Variants in APPBP2 observed in about 807,000 individuals in gnomAD.
APPBP2 encodes the protein amyloid beta precursor protein binding protein 2.
APPBP2 carries 15 observed loss-of-function variants against 76.0 expected under a neutral mutation model. The ratio of observed to expected loss-of-function variants is 0.20; its 90% CI spans 0.13 to 0.30. APPBP2 has a LOEUF of 0.30. Ranked by LOEUF, APPBP2 falls within the 10% of genes least tolerant of loss-of-function variation. APPBP2 has a pLI of 1.00. For missense variants in APPBP2, 401 were observed against 687.2 expected, an observed-to-expected ratio of 0.58 and a Z score of 4.66; for synonymous variants, 222 against 242.2, an observed-to-expected ratio of 0.92 and a Z score of 0.77.
At chr17:60,466,649 C>T (rs914660964) in intron 4 of APPBP2, among the ~76,000 whole-genome samples, 190 bp from the exon 5 acceptor site, 1 of 152,090 alleles carries the variant, frequency 6.6e-6, no homozygotes, top group Non-Finnish European at 1.5e-5. Context: ...TTCCTGAAAG[C>T]GTCCCATAAT....
rs182064437 is a variant in APPBP2, at chr17:60,510,877, C to T, written c.139-10390G>A. Among the ~76,000 whole-genome samples, 48 of 152,306 alleles carry T rather than the reference C, an allele frequency of 3.2e-4. 1 individual carries two copies. In the East Asian group the frequency reaches 9.2e-3, roughly 29 times the overall value. On this transcript the variant is annotated intron_variant, in intron 1 of 12. Coordinates refer to ENST00000083182, the MANE Select transcript of APPBP2 (RefSeq NM_006380.5). ...ATTCAAATAAAAGGGCAACCCTTTA[C>T]TAAAACTTAAATATGCTGTCCATTT...
At chr17:60,504,223 C>G (rs2090847852) in intron 1 of APPBP2, among the ~76,000 whole-genome samples, 1 of 152,032 alleles carries the variant, frequency 6.6e-6, no homozygotes, top group Admixed American at 6.6e-5. Flanking sequence ...CTACCTTAAA[C>G]AAAAGGGAAA....
chr17:60,456,973 T>TA (rs1411753638), intron 9 of APPBP2, among the ~76,000 whole-genome samples: 53 of 151,786 alleles, frequency 3.5e-4, no homozygotes, highest in Non-Finnish European at 7.4e-5. Flanking sequence ...CCATCTCTAC[T>TA]AAAAAAATAC....
At chr17:60,471,507 AT>A (rs563470883) in intron 4 of APPBP2, among the ~76,000 whole-genome samples, 16,262 of 146,468 alleles carry the variant, frequency 0.11, 2,880 homozygotes, top group African/African-American at 0.37. Flanking sequence ...AGCTTTGTGA[AT>A]TTTTTTTTTT....
intron 1 of APPBP2, among the ~76,000 whole-genome samples, chr17:60,519,778 ATTTTT>A (rs748167583): frequency 7.6e-5 from 9 of 117,846 alleles, no homozygotes; most frequent in Non-Finnish European, 1.2e-4. Context: ...GCCAAATTTA[ATTTTT>A]TTTTTTTTTT....
At chr17:60,465,093 A>T (rs929878111) in intron 5 of APPBP2, 1 of 152,248 alleles carries the variant, frequency 6.6e-6, no homozygotes, top group African/African-American at 2.4e-5. Context: ...CAATTAAAAT[A>T]TGAGAAGTGA....
At chr17:60,448,471 C>A (rs1311769695) in intron 12 of APPBP2, among the ~76,000 whole-genome samples, 4 of 152,146 alleles carry the variant, frequency 2.6e-5, no homozygotes, top group Non-Finnish European at 5.9e-5. Context: ...TCAAAAAAAC[C>A]AACCAACAAA....
intron 5 of APPBP2, among the ~76,000 whole-genome samples, chr17:60,465,971 G>C (rs545595844): frequency 6.6e-6 from 1 of 152,104 alleles, no homozygotes; most frequent in East Asian, 1.9e-4. Flanking sequence ...ATGTAGTTGT[G>C]ACCACCACAG....
chr17:60,449,293 G>GAA (rs111765862), intron 12 of APPBP2, among the ~76,000 whole-genome samples: 1 of 151,960 alleles, frequency 6.6e-6, no homozygotes, highest in African/African-American at 2.4e-5. Context: ...ATAGCAGAGG[G>GAA]AAAAAAAGAG....
chr17:60,493,350 G>A (rs758218233), intron 3 of APPBP2, among the ~76,000 whole-genome samples: 1 of 152,074 alleles, frequency 6.6e-6, no homozygotes, highest in Non-Finnish European at 1.5e-5. Flanking sequence ...AAAAAAGGTA[G>A]CAAAAACTTT....
In APPBP2 at chr17:60,453,484, C is replaced by G. The variant is rs566413001; in HGVS notation, c.1338+818G>C. Among the ~76,000 whole-genome samples the G allele has an allele frequency of 2.7e-3, 404 of 151,902 alleles. 1 individual carries two copies. The highest frequency in any genetic ancestry group is 4.6e-3 in the Non-Finnish European group (310 of 67,998). On this transcript the variant is annotated intron_variant, in intron 11 of 12. Transcript: ENST00000083182. ...ACAGACATGAGCCACTGAGCCCGGC[C>G]TCATATATTAATCTTTTTAGTTTGA...
At position 60,446,790 on chromosome 17, in the gene APPBP2, T is replaced by C. The variant is rs957570333; in HGVS notation, c.*791A>G. ...AATGAAATCATTCTACTGATAAAAG[T>C]ATATGTAGGATCTAAAATAATAATC... is the stretch of plus-strand genomic sequence containing the variant. On this transcript the variant is annotated 3_prime_UTR_variant, in exon 13 of 13. Transcript: ENST00000083182. 6.6e-6 allele frequency: 1 copy of C among 152,194 alleles called. No homozygotes were observed. The highest frequency in any genetic ancestry group is 2.4e-5 in the African/African-American group (1 of 41,458). 9.4% of individuals were successfully genotyped at this position (152,194 alleles called of 1,614,324 possible).
At chr17:60,449,211 A>C (rs973425368) in intron 12 of APPBP2, among the ~76,000 whole-genome samples, 1 of 152,238 alleles carries the variant, frequency 6.6e-6, no homozygotes, top group Non-Finnish European at 1.5e-5. Flanking sequence ...AGGAATGAGC[A>C]AGTCAGTCAA....
intron 1 of APPBP2, among the ~76,000 whole-genome samples, chr17:60,524,586 C>T (rs912582752): frequency 7.7e-6 from 1 of 129,576 alleles, no homozygotes; most frequent in South Asian, 2.4e-4. Flanking sequence ...TTTAGTAGAA[C>T]GCAGCCCATC....
At chr17:60,458,962 G>A (rs369572515) in intron 9 of APPBP2, among the ~76,000 whole-genome samples, 57 of 151,856 alleles carry the variant, frequency 3.8e-4, no homozygotes, top group African/African-American at 8.7e-4. Flanking sequence ...TAGTAGAGAC[G>A]GGGTTTCACT....
intron 3 of APPBP2, among the ~76,000 whole-genome samples, chr17:60,486,021 C>G (rs2143403252): frequency 6.6e-6 from 1 of 152,336 alleles, no homozygotes; most frequent in East Asian, 1.9e-4. Context: ...GAGCGACTTT[C>G]TTAATCCTGA....
intron 1 of APPBP2, among the ~76,000 whole-genome samples, chr17:60,516,391 C>T (rs1002144026): frequency 1.3e-5 from 2 of 152,100 alleles, no homozygotes; most frequent in Non-Finnish European, 2.9e-5. Context: ...GATCTAACTA[C>T]TTAATAAACA....
chr17:60,500,339 C>G, intron 2 of APPBP2, 60 bp downstream of exon 2: 3 of 1,204,824 alleles, frequency 2.5e-6, no homozygotes, highest in Non-Finnish European at 3.6e-6. Flanking sequence ...CCACTCAATT[C>G]GGTTAAAATG....
rs1323977772 is a variant in APPBP2, at chr17:60,444,654, C to T, written c.*2927G>A. The T allele has an allele frequency of 6.6e-6, 1 of 152,098 alleles. No homozygotes were observed. The highest frequency in any genetic ancestry group is 2.4e-5 in the African/African-American group (1 of 41,374). 9.4% of individuals were successfully genotyped at this position (152,098 alleles called of 1,614,324 possible). ...TTGATGGTAGTAAGGGTCTCAATCC[C>T]TTTGGCAAAGTCAGCTTTGAGGATC... On this transcript the variant is annotated 3_prime_UTR_variant, in exon 13 of 13. Transcript: ENST00000083182.
Sources: gnomAD v4.1 joint callset for allele counts (sites outside exome capture counted in the v4.1 genomes callset) on GRCh38, gnomAD v4.1.1 for gene constraint, MANE v1.5 for transcripts, NCBI Gene and HGNC (gene_info 2026-07-23, HGNC 2026-07-21) for gene names.